The following PACS1 variants were observed in gnomAD, a reference collection of about 807,000 sequenced individuals.
The protein encoded by PACS1 is phosphofurin acidic cluster sorting protein 1.
In PACS1, 24 loss-of-function variants were observed where a neutral mutation model predicts 115.0. The observed-to-expected ratio is 0.21, with a 90% CI of 0.15 to 0.29. PACS1 has a LOEUF of 0.29. Among genes scored for constraint, PACS1 ranks in the 10% least tolerant of loss-of-function variants. The pLI is 1.00. For synonymous variants in PACS1, 453 were observed against 504.5 expected (o/e 0.90, Z 1.37); for missense variants, 838 against 1,251.2 (o/e 0.67, Z 4.98).
chr11:66,209,819 C>G (rs769708033), intron 2 of PACS1, among the ~76,000 whole-genome samples: 1 of 151,944 alleles, frequency 6.6e-6, no homozygotes, highest in African/African-American at 2.4e-5. Flanking sequence ...GCAGGGTAAT[C>G]GCTTGAACCT....
intron 1 of PACS1, among the ~76,000 whole-genome samples, chr11:66,096,209 C>CTTTTTTTTTTTTTTTT (rs66569530): frequency 2.5e-5 from 3 of 119,506 alleles, no homozygotes; most frequent in African/African-American, 3.6e-5. Context: ...CTTTTTCTTT[C>CTTTTTTTTTTTTTTTT]TTTTTTTTTT....
In PACS1 at chr11:66,102,502, T is replaced by C. The variant is rs1435940775; in HGVS notation, c.356+31660T>C. ...ACCACGCCAGGCTAATTTTTCTGTT[T>C]TTAGTACAGAAGGGGTTTCACCATG... On this transcript the variant is annotated intron_variant, in intron 1 of 23. Transcript: ENST00000320580. Among the ~76,000 whole-genome samples, 5 of 151,764 alleles carry C rather than the reference T, an allele frequency of 3.3e-5. 1 individual carries two copies. The highest frequency in any genetic ancestry group is 7.4e-5 in the Non-Finnish European group (5 of 67,980).
In PACS1 at chr11:66,230,809, G is replaced by A. The variant is rs115813669; in HGVS notation, c.1495G>A (p.Val499Met). Reference sequence around the variant, plus strand: ...CTTTTTCCACCTCCCTGGCAGCAAAGTGGAGGGGGTGCACACACCCCGGCA... The same window carrying A: ...CTTTTTCCACCTCCCTGGCAGCAAAATGGAGGGGGTGCACACACCCCGGCA... Reference protein sequence around the residue: ...DLQGSASPSKVEGVHTPRQKR... With the variant: ...DLQGSASPSKMEGVHTPRQKR... The change falls in exon 13 of 24, where the codon GTG becomes ATG. Residue 499 changes from valine (V) to methionine (M), a missense_variant. By Grantham distance (21) the Val-to-Met change is conservative. This residue lies in a region of PACS1 where 383 missense variants were observed against 537.0 expected (regional missense o/e 0.71). Transcript: ENST00000320580. The A allele has an allele frequency of 2.7e-5, 43 of 1,614,188 alleles. No individual in the cohort carries two copies. The East Asian group carries it at 9.6e-4, about 36-fold the overall frequency.
Position 66,221,413 on chromosome 11 carries a change from G to A in PACS1, c.1293+166G>A, listed in dbSNP as rs1385672253. The A allele has an allele frequency of 4.7e-6, 3 of 632,180 alleles. No individual in the cohort carries two copies. The African/African-American group carries it at 5.5e-5, about 11-fold the overall frequency. The allele number at this position is 632,180 out of a possible 1,614,324, so 39.2% of individuals were successfully genotyped here. A position where few individuals can be genotyped will look rare whatever the true frequency, so the allele number is the denominator to read the frequency against. ...CTGTAATCCTGGCACTTTGGGAGGT[G>A]GAGTCGGGCAGATCATGAGGTCAAG... On this transcript the variant is annotated intron_variant, in intron 10 of 23. Transcript: ENST00000320580.
intron 10 of PACS1, among the ~76,000 whole-genome samples, chr11:66,221,888 G>A (rs1855358948): frequency 6.6e-6 from 1 of 152,172 alleles, no homozygotes. Context: ...GGCCAGGGCG[G>A]GTGGATCACT....
Position 66,243,597 on chromosome 11 carries a change from C to T in PACS1, c.*317C>T, listed in dbSNP as rs922953616. The T allele has an allele frequency of 3.0e-5, 9 of 299,400 alleles. No homozygotes were observed. The highest frequency in any genetic ancestry group is 9.5e-4 in the Middle Eastern group (1 of 1,058). 18.5% of individuals were successfully genotyped at this position (299,400 alleles called of 1,614,324 possible). A position where few individuals can be genotyped will look rare whatever the true frequency, so the allele number is the denominator to read the frequency against. On this transcript the variant is annotated 3_prime_UTR_variant, in exon 24 of 24. Coordinates refer to ENST00000320580, the MANE Select transcript of PACS1 (RefSeq NM_018026.4). ...CCCCAGGCCTTCCTTCACCCGACTTCCAAACTCTTCCTTGTGGTATCAGTT... is the reference window on the plus strand; with the variant it reads ...CCCCAGGCCTTCCTTCACCCGACTTTCAAACTCTTCCTTGTGGTATCAGTT...
At chr11:66,141,572 T>G (rs1858987958) in intron 1 of PACS1, among the ~76,000 whole-genome samples, 2 of 151,204 alleles carry the variant, frequency 1.3e-5, no homozygotes, top group Admixed American at 1.3e-4. Context: ...GAGAATCACT[T>G]GAACCCAGGA....
intron 1 of PACS1, among the ~76,000 whole-genome samples, chr11:66,167,790 T>C (rs758936890): frequency 1.6e-4 from 24 of 150,378 alleles, no homozygotes; most frequent in Non-Finnish European, 2.2e-4. Context: ...CTTTTTCTTA[T>C]ATTGTTTCTG....
In PACS1 at chr11:66,216,178, T is replaced by A. The variant is rs1855204645; in HGVS notation, c.720T>A (p.Asp240Glu). 4 of 1,613,918 alleles carry A rather than the reference T, an allele frequency of 2.5e-6. No homozygotes were observed. Among genetic ancestry groups the A allele is most frequent in the Non-Finnish European group, 3.4e-6 (4 of 1,179,966 alleles). The change falls in exon 5 of 24, where the codon GAT (aspartate) becomes GAA (glutamate). Residue 240 changes from aspartate (D) to glutamate (E), a missense_variant. Physicochemically the swap from Asp to Glu is conservative, Grantham distance 45. Transcript: ENST00000320580. ...LVLGLHSNVK[D>E]VSVPVAEIKI... The stretch of plus-strand genomic sequence containing the variant: ...TTGGCCTACACAGCAACGTGAAGGA[T>A]GTCTCTGTGCCTGTGGCAGAAATAA...
chr11:66,238,227 G>A (rs1855742763), intron 19 of PACS1: 2 of 985,298 alleles, frequency 2.0e-6, no homozygotes, highest in Non-Finnish European at 2.4e-6. Flanking sequence ...GAAGGCTGGT[G>A]TCCACACCTT....
intron 1 of PACS1, among the ~76,000 whole-genome samples, chr11:66,140,796 T>G (rs889755907): frequency 2.6e-5 from 4 of 152,058 alleles, no homozygotes; most frequent in Admixed American, 2.0e-4. Context: ...AGTGTCTCTT[T>G]CTCACCTTAA....
intron 1 of PACS1, among the ~76,000 whole-genome samples, chr11:66,086,777 G>A (rs891052899): frequency 1.3e-5 from 2 of 151,824 alleles, no homozygotes; most frequent in Non-Finnish European, 2.9e-5. Flanking sequence ...CACCATGCCT[G>A]GCCAGTGTTT....
At chr11:66,204,635 T>G (rs572074836) in intron 2 of PACS1, among the ~76,000 whole-genome samples, 1 of 152,056 alleles carries the variant, frequency 6.6e-6, no homozygotes, top group Non-Finnish European at 1.5e-5. Flanking sequence ...AAAGAATGAG[T>G]TCCTGTCATT....
intron 8 of PACS1, chr11:66,220,209 C>T: frequency 3.3e-6 from 1 of 304,272 alleles, no homozygotes; most frequent in Non-Finnish European, 6.2e-6. Context: ...AATGGGGCTG[C>T]TGAGAGAGAA....
chr11:66,198,884 A>C (rs1044034475), intron 2 of PACS1, among the ~76,000 whole-genome samples: 3 of 152,216 alleles, frequency 2.0e-5, no homozygotes, highest in South Asian at 2.1e-4. Context: ...GTTTATTGTT[A>C]ATTTTAAATG....
chr11:66,200,886 A>G (rs1355205403), intron 2 of PACS1, among the ~76,000 whole-genome samples: 1 of 151,772 alleles, frequency 6.6e-6, no homozygotes, highest in African/African-American at 2.4e-5. Flanking sequence ...AGGATAGGCC[A>G]TATGTTAGGT....
chr11:66,182,522 T>G (rs1176130103), intron 1 of PACS1, among the ~76,000 whole-genome samples: 1 of 152,064 alleles, frequency 6.6e-6, no homozygotes, highest in African/African-American at 2.4e-5. Context: ...GGAGTACAGT[T>G]GCGTGATCAT....
chr11:66,101,184 CA>C lies in PACS1; in HGVS notation c.356+30343del, dbSNP rs1333599098. 2.6e-5 allele frequency among the ~76,000 whole-genome samples: 4 copies of C among 152,278 alleles called. No individual in the cohort carries two copies. In the South Asian group the frequency reaches 6.2e-4, roughly 24 times the overall value. The stretch of plus-strand genomic sequence containing the variant: ...TTGCATTCGTTCAGTATTTTTAATT[CA>C]TTTTTTTTAAAAGTTTTAAACACTT... On this transcript the variant is annotated intron_variant, in intron 1 of 23. Coordinates refer to ENST00000320580, the MANE Select transcript of PACS1 (RefSeq NM_018026.4).
intron 1 of PACS1, among the ~76,000 whole-genome samples, chr11:66,161,765 A>G (rs1392888386): frequency 6.6e-6 from 1 of 152,058 alleles, no homozygotes; most frequent in African/African-American, 2.4e-5. Flanking sequence ...TTTTTTTCCT[A>G]CGGAAAAACC....
Sources: gnomAD v4.1 joint callset for allele counts (sites outside exome capture counted in the v4.1 genomes callset) on GRCh38, gnomAD v4.1.1 for gene constraint, gnomAD v4.1.1 regional missense constraint, MANE v1.5 for transcripts, NCBI Gene and HGNC (gene_info 2026-07-23, HGNC 2026-07-21) for gene names.